NRXN1: variants seen among roughly 807,000 people sequenced by gnomAD.
NRXN1 encodes neurexin-1.
NRXN1 carries 39 observed loss-of-function variants against 150.9 expected under a neutral mutation model. The observed-to-expected ratio is 0.26, with a 90% CI of 0.20 to 0.34. NRXN1 has a LOEUF of 0.34. Ranked by LOEUF, NRXN1 falls within the 10% of genes least tolerant of loss-of-function variation. The pLI is 1.00. For missense variants in NRXN1, 1,815 were observed against 1,949.9 expected, an observed-to-expected ratio of 0.93 and a Z score of 1.30; for synonymous variants, 924 against 757.0, an observed-to-expected ratio of 1.22 and a Z score of -3.62.
chr2:50,166,003 T>G (rs73932965), intron 18 of NRXN1, among the ~76,000 whole-genome samples: 5,010 of 152,206 alleles, frequency 0.033, 297 homozygotes, highest in African/African-American at 0.12. Context: ...CCTTTGAGTG[T>G]GTGTGTAACC....
In NRXN1 at chr2:50,347,588, TCTC is replaced by T; in HGVS notation, c.3365-110621_3365-110619del. ...CGCGCATCGCCTGCTCCCGAGGCAATCTCCGCGTCCGCCGCCTCCTGACACTTA... is the reference window on the plus strand; with the variant it reads ...CGCGCATCGCCTGCTCCCGAGGCAATCGCGTCCGCCGCCTCCTGACACTTA... On this transcript the variant is annotated intron_variant, in intron 17 of 22. Transcript: ENST00000401669. This position sits in a 1 kb window ranked among gnomAD's most constrained non-coding sequence, Gnocchi z 4.9. 9.9e-7 allele frequency: 1 copy of T among 1,010,950 alleles called. No individual in the cohort carries two copies. Among genetic ancestry groups the T allele is most frequent in the Non-Finnish European group, 1.2e-6 (1 of 845,268 alleles). 62.6% of individuals were successfully genotyped at this position (1,010,950 alleles called of 1,614,324 possible).
intron 17 of NRXN1, among the ~76,000 whole-genome samples, chr2:50,279,355 T>C (rs556525509): frequency 3.9e-5 from 6 of 152,300 alleles, no homozygotes; most frequent in African/African-American, 7.2e-5. Context: ...CTATAATGTG[T>C]ATCTTAATAA....
intron 15 of NRXN1, among the ~76,000 whole-genome samples, chr2:50,494,572 A>G (rs1558827318): frequency 1.3e-5 from 2 of 152,236 alleles, no homozygotes; most frequent in Non-Finnish European, 2.9e-5. Flanking sequence ...ATCTCTTTGA[A>G]GTTAGCAAGA....
At chr2:50,113,316 T>C (rs184665315) in intron 18 of NRXN1, among the ~76,000 whole-genome samples, 1 of 152,360 alleles carries the variant, frequency 6.6e-6, no homozygotes, top group Admixed American at 6.5e-5. Flanking sequence ...TTTGTGCATG[T>C]GTCTCTTCTG....
chr2:50,667,156 G>C (rs1200515709), intron 5 of NRXN1, among the ~76,000 whole-genome samples: 2 of 148,980 alleles, frequency 1.3e-5, no homozygotes, highest in Non-Finnish European at 3.0e-5. Flanking sequence ...GAAATATAAA[G>C]AATTTACACA....
At chr2:50,457,125 C>A (rs924773348) in intron 17 of NRXN1, among the ~76,000 whole-genome samples, 7 of 152,072 alleles carry the variant, frequency 4.6e-5, no homozygotes, top group Admixed American at 2.0e-4. Flanking sequence ...ATAATCAGTA[C>A]CTTTTTAATA....
intron 18 of NRXN1, among the ~76,000 whole-genome samples, chr2:50,124,231 G>C (rs1393753294): frequency 6.6e-6 from 1 of 152,140 alleles, no homozygotes; most frequent in Admixed American, 6.6e-5. Context: ...TGAAGACTGA[G>C]AATTGACATT....
chr2:50,505,913 G>T (rs377245596), intron 13 of NRXN1, among the ~76,000 whole-genome samples: 13 of 152,224 alleles, frequency 8.5e-5, no homozygotes, highest in African/African-American at 2.9e-4. Flanking sequence ...CTTCCATGAG[G>T]CTTTCCTATG....
intron 5 of NRXN1, among the ~76,000 whole-genome samples, chr2:50,837,095 A>G (rs1387923024): frequency 2.0e-5 from 3 of 152,140 alleles, no homozygotes; most frequent in Non-Finnish European, 4.4e-5. Flanking sequence ...ACCCTGGTTA[A>G]CACCGTATCT....
intron 8 of NRXN1, among the ~76,000 whole-genome samples, chr2:50,560,183 A>G (rs1668843779): frequency 6.6e-6 from 1 of 152,212 alleles, no homozygotes; most frequent in Non-Finnish European, 1.5e-5. Context: ...AGCATAGGAC[A>G]TGATTCTAGC....
chr2:50,155,289 G>C (rs896069800), intron 18 of NRXN1, among the ~76,000 whole-genome samples: 4 of 151,512 alleles, frequency 2.6e-5, no homozygotes, highest in African/African-American at 9.7e-5. Context: ...GCATCCCCAA[G>C]TCTATAGAGT....
At chr2:49,991,331 TGAAA>T (rs1197697611) in intron 21 of NRXN1, among the ~76,000 whole-genome samples, 1 of 152,072 alleles carries the variant, frequency 6.6e-6, no homozygotes, top group Non-Finnish European at 1.5e-5. Flanking sequence ...GCAGAACATC[TGAAA>T]GAATCATAAA....
intron 5 of NRXN1, among the ~76,000 whole-genome samples, chr2:50,779,575 T>A (rs1376349035): frequency 6.6e-6 from 1 of 152,078 alleles, no homozygotes; most frequent in African/African-American, 2.4e-5. Flanking sequence ...GAGACCATCC[T>A]GGTTAACATG....
chr2:50,325,136 G>A lies in NRXN1; in HGVS notation c.3365-88166C>T, dbSNP rs975604111. 3.9e-5 allele frequency among the ~76,000 whole-genome samples: 6 copies of A among 152,154 alleles called. No individual in the cohort carries two copies. In the South Asian group the frequency reaches 6.2e-4, roughly 16 times the overall value. On this transcript the variant is annotated intron_variant, in intron 17 of 22. Coordinates refer to ENST00000401669, the MANE Select transcript of NRXN1 (RefSeq NM_001330078.2). Reference sequence around the variant, plus strand: ...TTCTGTACCCTGACATCAAGAACAGGAAGAAGAAACTGAGAAAGAAGAAGA... The same window carrying A: ...TTCTGTACCCTGACATCAAGAACAGAAAGAAGAAACTGAGAAAGAAGAAGA...
intron 2 of NRXN1, among the ~76,000 whole-genome samples, chr2:50,928,300 T>C (rs777295410): frequency 2.0e-5 from 3 of 151,988 alleles, no homozygotes; most frequent in Non-Finnish European, 4.4e-5. Flanking sequence ...TGAAGACAAC[T>C]GGCTTGGAGC....
chr2:50,987,032 A>G (rs1046558389), intron 2 of NRXN1, among the ~76,000 whole-genome samples: 1 of 151,908 alleles, frequency 6.6e-6, no homozygotes, highest in African/African-American at 2.4e-5. Context: ...CTTTTACAAT[A>G]AAAATGCACT....
intron 5 of NRXN1, among the ~76,000 whole-genome samples, chr2:50,744,656 C>T (rs1383476464): frequency 1.3e-5 from 2 of 152,058 alleles, no homozygotes; most frequent in Non-Finnish European, 2.9e-5. Flanking sequence ...ACTTAAGTGA[C>T]TTCACTGAAG....
chr2:50,774,999 C>T (rs1364961989), intron 5 of NRXN1, among the ~76,000 whole-genome samples: 4 of 152,052 alleles, frequency 2.6e-5, no homozygotes. Context: ...CTTGTCTTTA[C>T]CACTAGTATA....
chr2:49,964,456 T>C (rs1183843356), intron 21 of NRXN1, among the ~76,000 whole-genome samples: 1 of 151,700 alleles, frequency 6.6e-6, no homozygotes, highest in African/African-American at 2.4e-5. Flanking sequence ...GGCGCACACC[T>C]GTAATGCCAG....
Sources: allele counts gnomAD v4.1 joint callset (sites outside exome capture counted in the v4.1 genomes callset), GRCh38; gene constraint gnomAD v4.1.1; non-coding constraint Gnocchi (gnomAD v3.1); transcripts MANE v1.5; gene names NCBI Gene and HGNC (gene_info 2026-07-23, HGNC 2026-07-21).